Variants in RRAS2 observed in about 807,000 individuals in gnomAD.
RRAS2 encodes ras-related protein R-Ras2.
In RRAS2, 7 loss-of-function variants were observed where a neutral mutation model predicts 27.6. That is an observed-to-expected ratio of 0.25 (90% CI 0.14 to 0.48). The LOEUF (loss-of-function observed/expected upper bound fraction) is 0.48, where lower values mean the gene tolerates loss of function less well. Ranked by LOEUF, RRAS2 falls within the 20% of genes least tolerant of loss-of-function variation. The pLI, the probability that RRAS2 is intolerant of heterozygous loss-of-function variation, is 0.99. For missense variants in RRAS2, 178 were observed against 256.2 expected, an observed-to-expected ratio of 0.69 and a Z score of 2.08; for synonymous variants, 86 against 90.9, an observed-to-expected ratio of 0.95 and a Z score of 0.31.
chr11:14,328,909 C>T (rs781926897), intron 1 of RRAS2, among the ~76,000 whole-genome samples: 9 of 151,574 alleles, frequency 5.9e-5, no homozygotes, highest in African/African-American at 9.7e-5. Context: ...GGTGATCCAC[C>T]GGCCTCGGCC....
chr11:14,319,308 C>T (rs1472851087), intron 1 of RRAS2, among the ~76,000 whole-genome samples: 3 of 139,290 alleles, frequency 2.2e-5, no homozygotes, highest in African/African-American at 7.8e-5. Context: ...ACCTGTACTA[C>T]AATAAAAATT....
intron 1 of RRAS2, among the ~76,000 whole-genome samples, chr11:14,342,396 T>C (rs1364685969): frequency 6.6e-6 from 1 of 152,240 alleles, no homozygotes; most frequent in African/African-American, 2.4e-5. Flanking sequence ...ATGGAAATAA[T>C]GACCATGACG....
intron 1 of RRAS2, among the ~76,000 whole-genome samples, chr11:14,345,063 C>T (rs1340438593): frequency 1.1e-4 from 16 of 148,182 alleles, no homozygotes; most frequent in Non-Finnish European, 1.9e-4. Context: ...TCTCAGCTCA[C>T]TGCAACCTCC....
At chr11:14,350,924 T>C (rs782108122) in intron 1 of RRAS2, among the ~76,000 whole-genome samples, 7 of 152,302 alleles carry the variant, frequency 4.6e-5, no homozygotes, top group South Asian at 2.1e-4. Flanking sequence ...TAATGCTCCA[T>C]TGGATATTCC....
intron 1 of RRAS2, chr11:14,356,915 G>A (rs1198409769): frequency 5.4e-5 from 20 of 371,936 alleles, no homozygotes; most frequent in African/African-American, 2.8e-4. Flanking sequence ...AGCCTCCAGA[G>A]TAGCTGGGAC....
At chr11:14,297,043 A>AG (rs1244021380) in intron 1 of RRAS2, among the ~76,000 whole-genome samples, 2 of 152,172 alleles carry the variant, frequency 1.3e-5, no homozygotes, top group Non-Finnish European at 2.9e-5. Context: ...AAAAAGAAAA[A>AG]GGTTTAAAAA....
intron 1 of RRAS2, among the ~76,000 whole-genome samples, chr11:14,350,273 T>C (rs1244170974): frequency 6.6e-6 from 1 of 152,186 alleles, no homozygotes; most frequent in East Asian, 1.9e-4. Flanking sequence ...TGGGGCTTAA[T>C]GGGAGGTGTT....
intron 4 of RRAS2, among the ~76,000 whole-genome samples, chr11:14,284,993 T>C (rs1390832493): frequency 2.0e-5 from 3 of 152,220 alleles, no homozygotes; most frequent in Non-Finnish European, 4.4e-5. Flanking sequence ...GCAATTTACA[T>C]TTAATGTGCT....
rs190252185 is a variant in RRAS2 at position 14,325,257 on chromosome 11, T to C, written c.109-29402A>G. On this transcript the variant is annotated intron_variant, in intron 1 of 5. Coordinates refer to ENST00000256196, the MANE Select transcript of RRAS2 (RefSeq NM_012250.6). ...GTCTTACCACAAAATGAGCTTGCAC[T>C]AGCACTTACCTCAGCAAGAGTACTG... Among the ~76,000 whole-genome samples the C allele has an allele frequency of 3.3e-5, 5 of 152,202 alleles. No individual in the cohort carries two copies. The East Asian group carries it at 9.6e-4, about 29-fold the overall frequency.
chr11:14,346,762 T>C (rs1039321534), intron 1 of RRAS2, among the ~76,000 whole-genome samples: 4 of 152,214 alleles, frequency 2.6e-5, no homozygotes, highest in African/African-American at 4.8e-5. Flanking sequence ...CTATGTGACA[T>C]AGTACGTATG....
intron 1 of RRAS2, among the ~76,000 whole-genome samples, chr11:14,316,560 C>T (rs1848112301): frequency 6.6e-6 from 1 of 152,146 alleles, no homozygotes; most frequent in African/African-American, 2.4e-5. Flanking sequence ...GGCAACATAG[C>T]AAGACCCTGT....
intron 1 of RRAS2, among the ~76,000 whole-genome samples, chr11:14,333,068 AT>A (rs1175629173): frequency 1.3e-5 from 2 of 152,176 alleles, no homozygotes; most frequent in African/African-American, 2.4e-5. Context: ...TATTTTAAAG[AT>A]TAAAAAATAA....
At chr11:14,360,259 C>T (rs76050606), upstream of RRAS2, among the ~76,000 whole-genome samples, 1,482 of 151,944 alleles carry the variant, frequency 9.8e-3, 65 homozygotes, top group East Asian at 0.11. Flanking sequence ...TGCCAGCCAT[C>T]TAAGTGAGAC....
chr11:14,287,235 G>A (rs756786495), intron 4 of RRAS2, among the ~76,000 whole-genome samples: 1 of 152,142 alleles, frequency 6.6e-6, no homozygotes, highest in Non-Finnish European at 1.5e-5. Flanking sequence ...GTCCTCTGAG[G>A]CTAGGAAGTT....
At chr11:14,354,471 C>T (rs782312982) in intron 1 of RRAS2, 14 of 151,942 alleles carry the variant, frequency 9.2e-5, no homozygotes, top group Admixed American at 3.3e-4. Flanking sequence ...CAACTCAAAA[C>T]GGAATCCACA....
intron 1 of RRAS2, among the ~76,000 whole-genome samples, chr11:14,351,899 A>G (rs1310599480): frequency 1.3e-5 from 2 of 151,432 alleles, no homozygotes; most frequent in Non-Finnish European, 2.9e-5. Flanking sequence ...CGTCTCAAAA[A>G]AAAAAAAAAA....
intron 1 of RRAS2, among the ~76,000 whole-genome samples, chr11:14,354,037 G>A (rs147748005): frequency 1.2e-3 from 178 of 152,254 alleles, no homozygotes; most frequent in African/African-American, 3.8e-3. Context: ...AAAAATCTTC[G>A]AGATGTAGCA....
intron 1 of RRAS2, among the ~76,000 whole-genome samples, chr11:14,343,783 G>A (rs1237798743): frequency 6.6e-6 from 1 of 151,646 alleles, no homozygotes; most frequent in East Asian, 1.9e-4. Context: ...GCAGTGAGCC[G>A]AGATCGCGCC....
intron 1 of RRAS2, among the ~76,000 whole-genome samples, chr11:14,336,118 C>G (rs1367032703): frequency 1.3e-5 from 2 of 152,160 alleles, no homozygotes; most frequent in African/African-American, 4.8e-5. Flanking sequence ...CTCCTTCTCC[C>G]AGCAGTGTCA....
Sources: gnomAD v4.1 joint callset for allele counts (sites outside exome capture counted in the v4.1 genomes callset) on GRCh38, gnomAD v4.1.1 for gene constraint, MANE v1.5 for transcripts, NCBI Gene and HGNC (gene_info 2026-07-23, HGNC 2026-07-21) for gene names.